NADSYN1: variants seen among roughly 807,000 people sequenced by gnomAD.
NADSYN1 encodes the protein NAD synthetase 1, also known as glutamine-dependent NAD(+) synthetase.
Under a neutral mutation model 99.3 loss-of-function variants are expected in NADSYN1, and 80 were observed. The ratio of observed to expected loss-of-function variants is 0.81; its 90% CI spans 0.67 to 0.97. NADSYN1 has a LOEUF of 0.97. Among genes scored for constraint, NADSYN1 ranks in the 50% least tolerant of loss-of-function variants. The pLI is 0.00. For missense variants in NADSYN1, 859 were observed against 948.5 expected (o/e 0.91, Z 1.24); for synonymous variants, 385 against 372.1 (o/e 1.03, Z -0.40).
chr11:71,472,773 A>G (rs1949636132), intron 6 of NADSYN1, among the ~76,000 whole-genome samples: 1 of 152,174 alleles, frequency 6.6e-6, no homozygotes, highest in Admixed American at 6.5e-5. Flanking sequence ...TCCTTGTGGC[A>G]GAAGACAGCC....
At position 71,497,520 on chromosome 11, in the gene NADSYN1, A is replaced by G. The variant is rs753850438; in HGVS notation, c.1802A>G (p.Tyr601Cys). The G allele has an allele frequency of 1.6e-5, 26 of 1,613,982 alleles. No homozygotes were observed. Among genetic ancestry groups the G allele is most frequent in the Non-Finnish European group, 2.0e-5 (24 of 1,180,022 alleles). ...MGMTYAELSV[Y>C]GKLRKVAKMG... is the part of the protein sequence containing the mutation. ...ATGACATATGCGGAGCTCTCGGTCT[A>G]TGGGAAACTCAGGAAGGTGGCCAAG... is the stretch of plus-strand genomic sequence containing the variant. The change falls in exon 19 of 21, where the codon TAT becomes TGT. Residue 601 changes from tyrosine to cysteine, a missense_variant. Physicochemically the swap from Tyr to Cys is radical, Grantham distance 194. Coordinates refer to ENST00000319023, the MANE Select transcript of NADSYN1 (RefSeq NM_018161.5).
At chr11:71,490,039 TATGGTCCCTCAGTTCTGTAGGAC>T in intron 16 of NADSYN1, among the ~76,000 whole-genome samples, 1 of 152,256 alleles carries the variant, frequency 6.6e-6, no homozygotes, top group South Asian at 2.1e-4. Context: ...AACACACATT[TATGGTCCCTCAGTTCTGTAGGAC>T]ACAGGTCCAG....
intron 20 of NADSYN1, chr11:71,499,542 A>C (rs557189541): frequency 1.1e-4 from 16 of 152,218 alleles, no homozygotes; most frequent in Non-Finnish European, 2.1e-4. Context: ...AGATGGCGTC[A>C]TGGCTTCCAA....
At chr11:71,454,831 C>G (rs1340917013) in intron 1 of NADSYN1, among the ~76,000 whole-genome samples, 2 of 152,188 alleles carry the variant, frequency 1.3e-5, no homozygotes, top group African/African-American at 4.8e-5. Context: ...CCTGCAAGCC[C>G]TCCCTGTTTC....
At position 71,458,512 on chromosome 11, in the gene NADSYN1, C is replaced by T. The variant is rs142456161; in HGVS notation, c.231C>T (p.Pro77=). The part of the protein sequence containing the change: ...FQVLAALVES[P]VTQDIICDVG... ...TCCTAGCGGCCCTTGTGGAGTCTCC[C>T]GTCACTCAGGACATCATCTGCGACG... Residue 77 remains proline, a synonymous_variant, in exon 3 of 21, where the codon CCC becomes CCT. Transcript: ENST00000319023. 1.4e-4 allele frequency: 227 copies of T among 1,612,570 alleles called. No homozygotes were observed. The East Asian group carries it at 1.6e-3, about 12-fold the overall frequency.
At chr11:71,466,536 T>C (rs553659420) in intron 5 of NADSYN1, among the ~76,000 whole-genome samples, 132 of 152,360 alleles carry the variant, frequency 8.7e-4, no homozygotes, top group Non-Finnish European at 1.3e-3. Context: ...CGTGGGTGGA[T>C]GGCTTTGCTT....
rs768016176 is a variant in NADSYN1 at position 71,473,579 on chromosome 11, G to C, written c.559G>C (p.Asp187His). 6.2e-7 allele frequency: 1 copy of C among 1,610,328 alleles called. No homozygotes were observed. ...TGCCTCTGCCTGCAGCCCGCACATC[G>C]ACATGGGCCTGGATGGCGTGGAGAT... ...ELWTPHSPHI[D>H]MGLDGVEIIT... is the part of the protein sequence containing the mutation. The change falls in exon 8 of 21, where the codon GAC becomes CAC. Residue 187 changes from aspartate to histidine, a missense_variant. Transcript: ENST00000319023.
Position 71,480,741 on chromosome 11 carries a change from A to C in NADSYN1, c.874-14A>C. 1 of 1,613,770 alleles carries C rather than the reference A, an allele frequency of 6.2e-7. No homozygotes were observed. The highest frequency in any genetic ancestry group is 8.5e-7 in the Non-Finnish European group (1 of 1,179,962). ...GAAGCTGGGAGTCATTCTGTCTTGA[A>C]TCTCCATTGCCAGGCCAGCAGGGCG... On this transcript the variant is annotated splice_polypyrimidine_tract_variant and intron_variant, in intron 10 of 20. Transcript: ENST00000319023.
chr11:71,462,815 A>T (rs1391464463), intron 3 of NADSYN1, among the ~76,000 whole-genome samples: 3 of 152,106 alleles, frequency 2.0e-5, no homozygotes, highest in Non-Finnish European at 4.4e-5. Flanking sequence ...TATGAGGGTC[A>T]TCTTCCCCTT....
intron 9 of NADSYN1, 58 bp downstream of exon 9, chr11:71,474,584 C>G (rs757550988): frequency 3.5e-5 from 57 of 1,609,402 alleles, no homozygotes; most frequent in Admixed American, 1.3e-4. Flanking sequence ...GACCGAGCTC[C>G]TGGCTCTCCC....
At chr11:71,488,267 A>G (rs1022220268) in intron 16 of NADSYN1, among the ~76,000 whole-genome samples, 1 of 152,108 alleles carries the variant, frequency 6.6e-6, no homozygotes, top group Non-Finnish European at 1.5e-5. Context: ...CCCAGCAGAT[A>G]ACATGTGTAT....
chr11:71,484,538 G>A lies in NADSYN1; in HGVS notation c.1455+91G>A, dbSNP rs902062689. On this transcript the variant is annotated intron_variant, in intron 15 of 20. Coordinates refer to ENST00000319023, the MANE Select transcript of NADSYN1 (RefSeq NM_018161.5). The stretch of plus-strand genomic sequence containing the variant: ...AGGATGTGCAGGTGCCCCCACCTGG[G>A]CCATCGTCTCCATGAAGCTCATGGC... 2.7e-6 allele frequency: 4 copies of A among 1,474,852 alleles called. No individual in the cohort carries two copies. The African/African-American group carries it at 5.6e-5, about 21-fold the overall frequency. 91.4% of individuals were successfully genotyped at this position (1,474,852 alleles called of 1,614,324 possible).
chr11:71,473,614 C>T lies in NADSYN1; in HGVS notation c.594C>T (p.Asn198=), dbSNP rs745899993. The T allele has an allele frequency of 7.7e-5, 124 of 1,612,958 alleles. No individual in the cohort carries two copies. The highest frequency in any genetic ancestry group is 1.8e-4 in the South Asian group (16 of 91,070). Residue 198 remains asparagine (N), a synonymous_variant, in exon 8 of 21, where the codon AAC becomes AAT. Transcript: ENST00000319023. ...TGGATGGCGTGGAGATCATCACCAA[C>T]GCCTCGGGCAGCCACCAAGTGCTGC... is the stretch of plus-strand genomic sequence containing the variant. ...MGLDGVEIIT[N]ASGSHQVLRK... is the part of the protein sequence containing the mutation.
intron 16 of NADSYN1, 58 bp from the exon 17 acceptor site, chr11:71,490,787 G>A (rs941995053): frequency 1.3e-5 from 21 of 1,597,488 alleles, no homozygotes; most frequent in Middle Eastern, 3.4e-4. Context: ...TGGCTGGCCA[G>A]GGTTGATGGA....
At chr11:71,486,449 A>C (rs1949743853) in intron 16 of NADSYN1, among the ~76,000 whole-genome samples, 1 of 150,514 alleles carries the variant, frequency 6.6e-6, no homozygotes, top group Non-Finnish European at 1.5e-5. Context: ...CCATCCACCC[A>C]TCTGTCTGTC....
chr11:71,471,506 T>TG (rs1325976355), intron 5 of NADSYN1, among the ~76,000 whole-genome samples: 2 of 152,302 alleles, frequency 1.3e-5, no homozygotes, highest in African/African-American at 4.8e-5. Context: ...GCCGGGTACA[T>TG]GCCTGTCCCG....
intron 16 of NADSYN1, 63 bp from the exon 17 acceptor site, chr11:71,490,781 TG>T: frequency 6.3e-7 from 1 of 1,581,724 alleles, no homozygotes; most frequent in Non-Finnish European, 8.6e-7. Flanking sequence ...ACTCCCTGGC[TG>T]GCCAGGGTTG....
At chr11:71,476,170 G>A (rs1949664138) in intron 9 of NADSYN1, 4 of 453,838 alleles carry the variant, frequency 8.8e-6, no homozygotes, top group South Asian at 3.1e-5. Flanking sequence ...CAGACCACAC[G>A]CGGGTCCACA....
At chr11:71,477,997 G>C (rs1949680487) in intron 9 of NADSYN1, among the ~76,000 whole-genome samples, 1 of 152,198 alleles carries the variant, frequency 6.6e-6, no homozygotes, top group African/African-American at 2.4e-5. Flanking sequence ...GTCGCTGGCA[G>C]AGGCTTACTG....
Sources: gnomAD v4.1 joint callset for allele counts (sites outside exome capture counted in the v4.1 genomes callset) on GRCh38, gnomAD v4.1.1 for gene constraint, MANE v1.5 for transcripts, NCBI Gene and HGNC (gene_info 2026-07-23, HGNC 2026-07-21) for gene names.